The following CDK8 variants were observed in gnomAD, a reference collection of about 807,000 sequenced individuals.
CDK8 encodes cyclin-dependent kinase 8.
CDK8 carries 29 observed loss-of-function variants against 71.5 expected under a neutral mutation model. The ratio of observed to expected loss-of-function variants is 0.41; its 90% CI spans 0.30 to 0.55. The LOEUF is 0.55. Ranked by LOEUF, CDK8 falls within the 20% of genes least tolerant of loss-of-function variation. The pLI, the probability that CDK8 is intolerant of heterozygous loss-of-function variation, is 0.37. For missense variants in CDK8, 288 were observed against 572.6 expected, an observed-to-expected ratio of 0.50 and a Z score of 5.07; for synonymous variants, 161 against 192.1, an observed-to-expected ratio of 0.84 and a Z score of 1.34.
Position 26,301,123 on chromosome 13 carries a change from G to T in CDK8, c.129-36444G>T, listed in dbSNP as rs549573571. Among the ~76,000 whole-genome samples, 9 of 149,928 alleles carry T rather than the reference G, an allele frequency of 6.0e-5. No homozygotes were observed. In the South Asian group the frequency reaches 1.9e-3, roughly 32 times the overall value. On this transcript the variant is annotated intron_variant, in intron 1 of 12. Coordinates refer to ENST00000381527, the MANE Select transcript of CDK8 (RefSeq NM_001260.3). ...TTCACTTCTGCAGCTAGAGAGTATT[G>T]TTCAAATTTGGGTAGATGTTTGCTT...
intron 7 of CDK8, among the ~76,000 whole-genome samples, chr13:26,396,033 C>A (rs1875976073): frequency 6.6e-6 from 1 of 151,794 alleles, no homozygotes; most frequent in Admixed American, 6.6e-5. Flanking sequence ...ATTGAGGCAG[C>A]TTATAGTAAA....
At chr13:26,330,883 A>G (rs1037908032) in intron 1 of CDK8, among the ~76,000 whole-genome samples, 6 of 152,186 alleles carry the variant, frequency 3.9e-5, no homozygotes, top group African/African-American at 1.4e-4. Context: ...GGTATTGTGA[A>G]TAGTGCTGCC....
At chr13:26,319,356 C>T (rs1471073905) in intron 1 of CDK8, among the ~76,000 whole-genome samples, 6 of 152,002 alleles carry the variant, frequency 3.9e-5, no homozygotes, top group East Asian at 1.9e-4. Context: ...GTAATTCCAG[C>T]TACTCAGGAG....
At chr13:26,357,748 C>A (rs990969205) in intron 4 of CDK8, among the ~76,000 whole-genome samples, 2 of 152,172 alleles carry the variant, frequency 1.3e-5, no homozygotes, top group Non-Finnish European at 2.9e-5. Flanking sequence ...GCTGGAGACC[C>A]AGGAAAAAGT....
intron 1 of CDK8, among the ~76,000 whole-genome samples, chr13:26,266,079 GC>G (rs11313552): frequency 0.11 from 16,453 of 152,114 alleles, 2,629 homozygotes; most frequent in African/African-American, 0.35. Flanking sequence ...CAAGGATGAT[GC>G]CCAGGTTTCT....
intron 2 of CDK8, among the ~76,000 whole-genome samples, chr13:26,348,813 A>G (rs1035062729): frequency 3.9e-5 from 6 of 152,220 alleles, no homozygotes; most frequent in African/African-American, 1.4e-4. Flanking sequence ...GATATATTTT[A>G]CCACAATCAA....
rs186319064 is a variant in CDK8, at chr13:26,360,373, T to A, written c.456+6493T>A. The stretch of plus-strand genomic sequence containing the variant: ...AGACTGATATGTAGTCCAGCTCCAA[T>A]CTTCTTTTCTTTCCCTATCTTACTC... On this transcript the variant is annotated intron_variant, in intron 4 of 12. Transcript: ENST00000381527. Among the ~76,000 whole-genome samples, 17 of 152,294 alleles carry A rather than the reference T, an allele frequency of 1.1e-4. No individual in the cohort carries two copies. In the East Asian group the frequency reaches 3.1e-3, roughly 28 times the overall value.
intron 1 of CDK8, among the ~76,000 whole-genome samples, chr13:26,301,629 T>C (rs953601762): frequency 1.3e-5 from 2 of 152,198 alleles, no homozygotes; most frequent in African/African-American, 4.8e-5. Context: ...TTAGTATCAA[T>C]GTAGATTCTG....
intron 2 of CDK8, among the ~76,000 whole-genome samples, chr13:26,339,695 T>TTTTA (rs370690774): frequency 0.044 from 6,021 of 136,346 alleles, 216 homozygotes; most frequent in African/African-American, 0.086. Flanking sequence ...ATACTTTCCA[T>TTTTA]TTTATTTATT....
chr13:26,314,070 C>T (rs1360962470), intron 1 of CDK8, among the ~76,000 whole-genome samples: 4 of 152,176 alleles, frequency 2.6e-5, no homozygotes, highest in African/African-American at 4.8e-5. Flanking sequence ...TCACTCCAAC[C>T]GCTTTGCTAA....
chr13:26,342,730 A>T (rs1180237029), intron 2 of CDK8, among the ~76,000 whole-genome samples: 1 of 152,186 alleles, frequency 6.6e-6, no homozygotes, highest in Non-Finnish European at 1.5e-5. Flanking sequence ...AAAAACAACA[A>T]CAACAAAACA....
At chr13:26,262,097 G>C (rs143965317) in intron 1 of CDK8, among the ~76,000 whole-genome samples, 70 of 152,298 alleles carry the variant, frequency 4.6e-4, no homozygotes, top group African/African-American at 1.6e-3. Flanking sequence ...TGCTGGAAAT[G>C]CTTTTTTCTC....
At chr13:26,347,350 T>C (rs1873501298) in intron 2 of CDK8, among the ~76,000 whole-genome samples, 1 of 152,178 alleles carries the variant, frequency 6.6e-6, no homozygotes, top group African/African-American at 2.4e-5. Context: ...CTCACAGGGT[T>C]GCTGAACTTA....
At chr13:26,320,728 T>A (rs1299891974) in intron 1 of CDK8, among the ~76,000 whole-genome samples, 1 of 152,170 alleles carries the variant, frequency 6.6e-6, no homozygotes, top group Non-Finnish European at 1.5e-5. Context: ...TGAATAAACA[T>A]TCCTCCAAAG....
chr13:26,376,569 A>G (rs911700406), intron 4 of CDK8, among the ~76,000 whole-genome samples: 1 of 152,222 alleles, frequency 6.6e-6, no homozygotes, highest in Non-Finnish European at 1.5e-5. Flanking sequence ...TTCTCTTGCC[A>G]TGCAGTTTTT....
intron 1 of CDK8, among the ~76,000 whole-genome samples, chr13:26,272,645 A>G (rs955836245): frequency 6.6e-6 from 1 of 152,254 alleles, no homozygotes; most frequent in Non-Finnish European, 1.5e-5. Context: ...ATAGTATAGC[A>G]TATACATACA....
At chr13:26,392,780 C>T (rs771914202) in intron 6 of CDK8, among the ~76,000 whole-genome samples, 2 of 151,930 alleles carry the variant, frequency 1.3e-5, no homozygotes, top group South Asian at 2.1e-4. Flanking sequence ...AATTCTTAGG[C>T]GTTTTGAGGT....
At chr13:26,378,103 A>G (rs1260266875) in intron 4 of CDK8, among the ~76,000 whole-genome samples, 3 of 152,140 alleles carry the variant, frequency 2.0e-5, no homozygotes, top group Non-Finnish European at 4.4e-5. Context: ...ACTTCATTTC[A>G]CCCCTGGAAT....
intron 1 of CDK8, among the ~76,000 whole-genome samples, chr13:26,261,388 G>C (rs1362609921): frequency 6.6e-6 from 1 of 152,162 alleles, no homozygotes; most frequent in Non-Finnish European, 1.5e-5. Flanking sequence ...CGACGAGGCT[G>C]TGCAACCACC....
Sources: gnomAD v4.1 joint callset for allele counts (sites outside exome capture counted in the v4.1 genomes callset) on GRCh38, gnomAD v4.1.1 for gene constraint, MANE v1.5 for transcripts, NCBI Gene and HGNC (gene_info 2026-07-23, HGNC 2026-07-21) for gene names.